The following TTC28 variants were observed in gnomAD, a reference collection of about 807,000 sequenced individuals.
TTC28 encodes tetratricopeptide repeat domain 28, also known as tetratricopeptide repeat protein 28.
In TTC28, 61 loss-of-function variants were observed where a neutral mutation model predicts 198.0. The ratio of observed to expected loss-of-function variants is 0.31; its 90% CI spans 0.25 to 0.38. TTC28 has a LOEUF of 0.38. Ranked by LOEUF, TTC28 falls within the 10% of genes least tolerant of loss-of-function variation. The pLI is 1.00. For missense variants in TTC28, 2,678 were observed against 3,164.0 expected, an observed-to-expected ratio of 0.85 and a Z score of 3.69; for synonymous variants, 1,171 against 1,297.8, an observed-to-expected ratio of 0.90 and a Z score of 2.10.
intron 5 of TTC28, among the ~76,000 whole-genome samples, chr22:28,258,944 A>G (rs1693581194): frequency 6.6e-6 from 1 of 151,424 alleles, no homozygotes. Flanking sequence ...CTACAACCTC[A>G]CACTTTCAAC....
intron 5 of TTC28, among the ~76,000 whole-genome samples, chr22:28,230,941 T>C (rs1465875080): frequency 6.6e-6 from 1 of 152,216 alleles, no homozygotes; most frequent in African/African-American, 2.4e-5. Flanking sequence ...GTGGGAAGCC[T>C]GTACTGATGA....
intron 2 of TTC28, among the ~76,000 whole-genome samples, chr22:28,377,507 G>T (rs1381544882): frequency 1.3e-5 from 2 of 151,938 alleles, no homozygotes; most frequent in Non-Finnish European, 2.9e-5. Flanking sequence ...TAAACTCAAG[G>T]CTAAGCAGCT....
At chr22:28,143,099 G>A (rs945062036) in intron 6 of TTC28, among the ~76,000 whole-genome samples, 7 of 152,180 alleles carry the variant, frequency 4.6e-5, no homozygotes, top group Admixed American at 2.0e-4. Flanking sequence ...TTCCCTCTCT[G>A]TGGAAACTGA....
intron 2 of TTC28, among the ~76,000 whole-genome samples, chr22:28,354,629 T>C (rs960270985): frequency 1.3e-5 from 2 of 152,186 alleles, no homozygotes; most frequent in Admixed American, 6.5e-5. Flanking sequence ...CGTATGTACC[T>C]ACTACCACTA....
chr22:27,987,336 G>A (rs1937246046), intron 21 of TTC28, among the ~76,000 whole-genome samples: 1 of 152,166 alleles, frequency 6.6e-6, no homozygotes, highest in Admixed American at 6.5e-5. Flanking sequence ...CTGGCAAAGG[G>A]ACCTCAAAAG....
At chr22:28,026,430 C>A (rs548008323) in intron 13 of TTC28, among the ~76,000 whole-genome samples, 1 of 152,280 alleles carries the variant, frequency 6.6e-6, no homozygotes, top group South Asian at 2.1e-4. Flanking sequence ...GCACGCTGAG[C>A]ACTGTGGCCG....
intron 2 of TTC28, among the ~76,000 whole-genome samples, chr22:28,350,365 C>T (rs892955556): frequency 2.0e-5 from 3 of 152,010 alleles, no homozygotes; most frequent in Non-Finnish European, 4.4e-5. Context: ...TAGCTTTTTT[C>T]AAGGACTAAT....
chr22:28,439,198 G>C, intron 2 of TTC28, among the ~76,000 whole-genome samples: 1 of 152,206 alleles, frequency 6.6e-6, no homozygotes, highest in East Asian at 1.9e-4. Context: ...GTGTAATGAG[G>C]AGGCAAGATA....
At chr22:28,554,317 G>C (rs535516036) in intron 2 of TTC28, among the ~76,000 whole-genome samples, 1 of 147,598 alleles carries the variant, frequency 6.8e-6, no homozygotes, top group African/African-American at 2.5e-5. Context: ...CTCCACTATT[G>C]TCCTATGACC....
At position 28,159,271 on chromosome 22, in the gene TTC28, G is replaced by A. The variant is rs565820313; in HGVS notation, c.1441+3821C>T. Among the ~76,000 whole-genome samples, 7 of 152,320 alleles carry A rather than the reference G, an allele frequency of 4.6e-5. No individual in the cohort carries two copies. The South Asian group carries it at 1.5e-3, about 32-fold the overall frequency. On this transcript the variant is annotated intron_variant, in intron 6 of 22. Coordinates refer to ENST00000397906, the MANE Select transcript of TTC28 (RefSeq NM_001145418.2). The stretch of plus-strand genomic sequence containing the variant: ...TAACAAATGCTGGCAAGGATGTGGA[G>A]AAAAGGGAACCCTAGCACACTGTTG...
intron 5 of TTC28, among the ~76,000 whole-genome samples, chr22:28,218,511 A>C (rs896952161): frequency 3.9e-5 from 6 of 152,104 alleles, no homozygotes; most frequent in African/African-American, 1.4e-4. Context: ...GTTTTGATAA[A>C]ATTTCTCCAA....
intron 5 of TTC28, among the ~76,000 whole-genome samples, chr22:28,181,170 G>C (rs561283432): frequency 6.6e-6 from 1 of 152,234 alleles, no homozygotes; most frequent in African/African-American, 2.4e-5. Flanking sequence ...AATTATATTA[G>C]GGTTGGAAGA....
At chr22:28,017,834 C>A (rs1334109787) in intron 13 of TTC28, among the ~76,000 whole-genome samples, 1 of 152,154 alleles carries the variant, frequency 6.6e-6, no homozygotes, top group African/African-American at 2.4e-5. Flanking sequence ...ACATTCCCCC[C>A]ATCCCCAGGG....
chr22:28,504,320 A>C (rs1380075732), intron 2 of TTC28, among the ~76,000 whole-genome samples: 2 of 152,160 alleles, frequency 1.3e-5, no homozygotes, highest in African/African-American at 4.8e-5. Context: ...TGAGTTATAT[A>C]GTTTTCCTAG....
chr22:28,439,625 A>G (rs1441976524), intron 2 of TTC28, among the ~76,000 whole-genome samples: 1 of 152,232 alleles, frequency 6.6e-6, no homozygotes, highest in Non-Finnish European at 1.5e-5. Context: ...AATACAAATT[A>G]TAACACCTAC....
At chr22:28,371,581 CAAAAAAAAAAA>C (rs147727536) in intron 2 of TTC28, among the ~76,000 whole-genome samples, 1,838 of 32,472 alleles carry the variant, frequency 0.057, 186 homozygotes, top group Non-Finnish European at 0.078. Flanking sequence ...TCATCTTAAC[CAAAAAAAAAAA>C]AAAAAATTTT....
chr22:28,524,054 G>GA (rs2048961263), intron 2 of TTC28, among the ~76,000 whole-genome samples: 1 of 152,090 alleles, frequency 6.6e-6, no homozygotes, highest in Admixed American at 6.6e-5. Context: ...GGAAGACTGT[G>GA]AAAAGGCAAA....
intron 5 of TTC28, among the ~76,000 whole-genome samples, chr22:28,288,582 C>T (rs1265986954): frequency 3.3e-5 from 5 of 151,656 alleles, no homozygotes; most frequent in African/African-American, 7.3e-5. Flanking sequence ...CTGAGGCAGG[C>T]GGATCACGAG....
chr22:28,405,009 T>TA (rs2046979077), intron 2 of TTC28, among the ~76,000 whole-genome samples: 1 of 152,206 alleles, frequency 6.6e-6, no homozygotes, highest in Non-Finnish European at 1.5e-5. Flanking sequence ...CAAGAGATTT[T>TA]ATTGACAGCT....
Sources: allele counts gnomAD v4.1 joint callset (sites outside exome capture counted in the v4.1 genomes callset), GRCh38; gene constraint gnomAD v4.1.1; transcripts MANE v1.5; gene names NCBI Gene and HGNC (gene_info 2026-07-23, HGNC 2026-07-21).